The following GALNT17 variants were observed in gnomAD, a reference collection of about 807,000 sequenced individuals.
GALNT17 encodes the protein UDP-GalNAc:polypeptide N-acetylgalactosaminyltransferase-like 3.
A neutral mutation model predicts 63.7 loss-of-function variants in GALNT17; 29 were observed. That is an observed-to-expected ratio of 0.46 (90% CI 0.34 to 0.62). GALNT17 has a LOEUF of 0.62. Among genes scored for constraint, GALNT17 ranks in the 20% least tolerant of loss-of-function variants. The pLI is 0.01. For synonymous variants in GALNT17, 305 were observed against 318.3 expected, an observed-to-expected ratio of 0.96 and a Z score of 0.45; for missense variants, 603 against 799.6, an observed-to-expected ratio of 0.75 and a Z score of 2.97.
At chr7:71,425,080 G>A (rs1035338352) in intron 5 of GALNT17, among the ~76,000 whole-genome samples, 1 of 152,064 alleles carries the variant, frequency 6.6e-6, no homozygotes, top group Non-Finnish European at 1.5e-5. Flanking sequence ...AGAGTTTCCA[G>A]TATAGCAAGT....
chr7:71,348,120 G>T (rs1792126785), intron 2 of GALNT17, among the ~76,000 whole-genome samples: 1 of 152,126 alleles, frequency 6.6e-6, no homozygotes, highest in Non-Finnish European at 1.5e-5. Context: ...AATTAGCTGA[G>T]CGTGGTGGTG....
At chr7:71,184,058 G>A (rs1788786381) in intron 1 of GALNT17, among the ~76,000 whole-genome samples, 1 of 152,120 alleles carries the variant, frequency 6.6e-6, no homozygotes, top group Admixed American at 6.5e-5. Context: ...CGTTAACGAG[G>A]TAATTAAATG....
At chr7:71,398,301 T>G (rs755861509) in intron 3 of GALNT17, among the ~76,000 whole-genome samples, 1 of 152,138 alleles carries the variant, frequency 6.6e-6, no homozygotes, top group Non-Finnish European at 1.5e-5. Flanking sequence ...TTCTCTGCTA[T>G]CTTATCTTTC....
intron 1 of GALNT17, among the ~76,000 whole-genome samples, chr7:71,255,704 A>G (rs946761768): frequency 6.6e-6 from 1 of 152,126 alleles, no homozygotes; most frequent in Non-Finnish European, 1.5e-5. Flanking sequence ...TCTTAAATGG[A>G]AACGTACAGG....
intron 3 of GALNT17, among the ~76,000 whole-genome samples, chr7:71,395,566 G>T (rs1297413664): frequency 6.6e-6 from 1 of 152,258 alleles, no homozygotes; most frequent in East Asian, 1.9e-4. Flanking sequence ...ACACATTTTT[G>T]TTTGGATATG....
intron 5 of GALNT17, among the ~76,000 whole-genome samples, chr7:71,546,293 T>C (rs946945821): frequency 6.6e-6 from 1 of 151,938 alleles, no homozygotes; most frequent in Non-Finnish European, 1.5e-5. Flanking sequence ...CCTGAGTAGC[T>C]GGGACTACAG....
chr7:71,416,573 C>T (rs1163795568), intron 4 of GALNT17, among the ~76,000 whole-genome samples: 4 of 151,840 alleles, frequency 2.6e-5, no homozygotes, highest in Admixed American at 1.3e-4. Context: ...GATCGCGCCA[C>T]TGCACTCCAG....
chr7:71,382,780 G>A (rs1205175557), intron 2 of GALNT17, among the ~76,000 whole-genome samples: 2 of 152,142 alleles, frequency 1.3e-5, no homozygotes, highest in African/African-American at 4.8e-5. Flanking sequence ...AAGGAATTGG[G>A]CAGGGGCAGG....
chr7:71,622,972 A>G (rs1385010259), intron 6 of GALNT17, among the ~76,000 whole-genome samples: 1 of 152,152 alleles, frequency 6.6e-6, no homozygotes, highest in African/African-American at 2.4e-5. Context: ...TCTGGACTCC[A>G]TCTTATGCTC....
At chr7:71,601,984 A>C (rs1789973374) in intron 6 of GALNT17, among the ~76,000 whole-genome samples, 2 of 152,172 alleles carry the variant, frequency 1.3e-5, no homozygotes, top group African/African-American at 4.8e-5. Context: ...ATGGGAACAG[A>C]CTGGGCTGAG....
intron 1 of GALNT17, among the ~76,000 whole-genome samples, chr7:71,197,410 G>A (rs1472449369): frequency 2.0e-5 from 3 of 150,132 alleles, no homozygotes; most frequent in South Asian, 2.1e-4. Context: ...GGGTTTCACC[G>A]TGTTAGCCAG....
intron 5 of GALNT17, among the ~76,000 whole-genome samples, chr7:71,441,940 C>T (rs1001081686): frequency 1.3e-5 from 2 of 152,002 alleles, no homozygotes; most frequent in Non-Finnish European, 2.9e-5. Context: ...CTGCAATAAA[C>T]GTATGTGTGT....
rs151112793 is a variant in GALNT17, at chr7:71,580,741, G to C, written c.1080+9339G>C. ...GTCCAGGCTGAGCAGGTGGGAAATA[G>C]TGTTGCTGTTCTCTAAGGAGCACTG... On this transcript the variant is annotated intron_variant, in intron 6 of 10. Transcript: ENST00000333538. Among the ~76,000 whole-genome samples the C allele has an allele frequency of 9.9e-3, 1,504 of 152,220 alleles. 35 individuals carry two copies. The highest frequency in any genetic ancestry group is 0.035 in the African/African-American group (1,434 of 41,534).
chr7:71,432,664 G>A (rs1786888939), intron 5 of GALNT17, among the ~76,000 whole-genome samples: 1 of 152,124 alleles, frequency 6.6e-6, no homozygotes, highest in South Asian at 2.1e-4. Flanking sequence ...TGGGAAATAT[G>A]CATTAAAAAA....
At chr7:71,299,121 C>T (rs940475965) in intron 1 of GALNT17, among the ~76,000 whole-genome samples, 7 of 152,220 alleles carry the variant, frequency 4.6e-5, no homozygotes, top group Admixed American at 2.0e-4. Context: ...CACCTGGGCC[C>T]GCCCCTCATT....
At chr7:71,349,524 C>T (rs1007479250) in intron 2 of GALNT17, among the ~76,000 whole-genome samples, 6 of 152,156 alleles carry the variant, frequency 3.9e-5, no homozygotes, top group African/African-American at 1.4e-4. Flanking sequence ...TCATCATAAC[C>T]TCATTTGCAT....
chr7:71,426,708 T>C (rs1483511533), intron 5 of GALNT17, among the ~76,000 whole-genome samples: 1 of 151,954 alleles, frequency 6.6e-6, no homozygotes, highest in African/African-American at 2.4e-5. Context: ...ATAACTGAGG[T>C]CAGGAGTTCA....
chr7:71,527,468 C>T (rs1322028795), intron 5 of GALNT17, among the ~76,000 whole-genome samples: 1 of 152,166 alleles, frequency 6.6e-6, no homozygotes, highest in East Asian at 1.9e-4. Flanking sequence ...AAGTCTTCAA[C>T]TGCATGAAGA....
At chr7:71,684,377 G>A (rs919333123) in intron 9 of GALNT17, among the ~76,000 whole-genome samples, 5 of 152,196 alleles carry the variant, frequency 3.3e-5, no homozygotes, top group Non-Finnish European at 5.9e-5. Context: ...ACCCACTGTG[G>A]CATCTTTCTC....
Sources: allele counts gnomAD v4.1 joint callset (sites outside exome capture counted in the v4.1 genomes callset), GRCh38; gene constraint gnomAD v4.1.1; transcripts MANE v1.5; gene names NCBI Gene and HGNC (gene_info 2026-07-23, HGNC 2026-07-21).